The following ZFHX3 variants were observed in gnomAD, a reference collection of about 807,000 sequenced individuals.
The protein encoded by ZFHX3 is zinc finger homeobox protein 3.
Under a neutral mutation model 279.1 loss-of-function variants are expected in ZFHX3, and 42 were observed. The ratio of observed to expected loss-of-function variants is 0.15; its 90% CI spans 0.12 to 0.19. The LOEUF (loss-of-function observed/expected upper bound fraction) is 0.19, where lower values mean the gene tolerates loss of function less well. ZFHX3 is among the 10% of genes least tolerant of loss of function. The pLI is 1.00. For missense variants in ZFHX3, 4,981 were observed against 4,754.0 expected (o/e 1.05, Z -1.40); for synonymous variants, 2,293 against 1,957.8 (o/e 1.17, Z -4.52).
chr16:73,600,327 G>A (rs571572910), intron 2 of ZFHX3, among the ~76,000 whole-genome samples: 3 of 152,122 alleles, frequency 2.0e-5, no homozygotes, highest in African/African-American at 7.2e-5. Context: ...TGAAGGCACT[G>A]GACTTGTTCT....
chr16:73,455,650 T>C (rs1035272383), intron 3 of ZFHX3, among the ~76,000 whole-genome samples: 2 of 152,208 alleles, frequency 1.3e-5, no homozygotes, highest in Non-Finnish European at 2.9e-5. Flanking sequence ...CTATGAGCAT[T>C]GTAAATCAGC....
At chr16:73,834,768 G>A (rs554947092) in intron 1 of ZFHX3, among the ~76,000 whole-genome samples, 1 of 152,208 alleles carries the variant, frequency 6.6e-6, no homozygotes, top group Non-Finnish European at 1.5e-5. Flanking sequence ...GCGCATGCCT[G>A]TAGTCCCAGC....
chr16:73,664,418 C>T (rs1043792480), intron 2 of ZFHX3, among the ~76,000 whole-genome samples: 8 of 152,178 alleles, frequency 5.3e-5, no homozygotes, highest in African/African-American at 1.9e-4. Context: ...GTGCTATATG[C>T]AGTACATATA....
At chr16:73,004,941 C>G (rs992070947) in intron 1 of ZFHX3, among the ~76,000 whole-genome samples, 3 of 152,200 alleles carry the variant, frequency 2.0e-5, no homozygotes, top group African/African-American at 7.2e-5. Context: ...AAAAATGGCT[C>G]TAACCTAATT....
chr16:73,403,716 C>G (rs567271721), intron 3 of ZFHX3, among the ~76,000 whole-genome samples: 1 of 152,290 alleles, frequency 6.6e-6, no homozygotes, highest in East Asian at 1.9e-4. Flanking sequence ...GTGGCGAACA[C>G]ATCCAAATGG....
chr16:73,631,927 T>TCTCTCTCACA (rs1437204921), intron 2 of ZFHX3, among the ~76,000 whole-genome samples: 27 of 136,812 alleles, frequency 2.0e-4, no homozygotes, highest in African/African-American at 7.8e-4. Context: ...TCTCTCTCTC[T>TCTCTCTCACA]CACACACACA....
At chr16:72,973,211 C>T (rs1004271516) in intron 1 of ZFHX3, among the ~76,000 whole-genome samples, 1 of 152,214 alleles carries the variant, frequency 6.6e-6, no homozygotes, top group Non-Finnish European at 1.5e-5. Flanking sequence ...ACTGTCGGCC[C>T]TGGTCTCTCT....
chr16:73,838,965 G>A (rs1054998643), intron 1 of ZFHX3, among the ~76,000 whole-genome samples: 96 of 152,194 alleles, frequency 6.3e-4, no homozygotes, highest in African/African-American at 2.2e-3. Flanking sequence ...GGAGATCAAG[G>A]AAGAACCAGG....
chr16:73,103,465 C>T (rs1383250975), intron 7 of ZFHX3, among the ~76,000 whole-genome samples: 1 of 152,176 alleles, frequency 6.6e-6, no homozygotes, highest in Non-Finnish European at 1.5e-5. Flanking sequence ...TGGTGGCCCA[C>T]AGAAAGATGC....
chr16:73,094,730 G>C (rs1437560191), intron 7 of ZFHX3, among the ~76,000 whole-genome samples: 2 of 152,010 alleles, frequency 1.3e-5, no homozygotes, highest in Admixed American at 6.6e-5. Flanking sequence ...GTTATTTTTT[G>C]ATGGAGTCTT....
At chr16:73,822,223 T>C (rs1212782243) in intron 1 of ZFHX3, among the ~76,000 whole-genome samples, 2 of 152,178 alleles carry the variant, frequency 1.3e-5, no homozygotes, top group Non-Finnish European at 2.9e-5. Flanking sequence ...CTCTTTTCTC[T>C]TCCTGGGATG....
At chr16:73,437,865 A>C (rs1440265465) in intron 3 of ZFHX3, among the ~76,000 whole-genome samples, 2 of 152,226 alleles carry the variant, frequency 1.3e-5, no homozygotes, top group Non-Finnish European at 2.9e-5. Flanking sequence ...TTAAGTTTTC[A>C]AAATATTTGC....
At position 72,794,132 on chromosome 16, in the gene ZFHX3, C is replaced by T; in HGVS notation, c.8550G>A (p.Glu2850=). ...TAITDTTTGD[E]GNADNDSATG... ...TTGCACTGTCGTTATCTGCGTTGCCCTCGTCTCCAGTTGTGGTATCTGTGA... is the reference window on the plus strand; with the variant it reads ...TTGCACTGTCGTTATCTGCGTTGCCTTCGTCTCCAGTTGTGGTATCTGTGA... Residue 2850 remains glutamate (E), a synonymous_variant, in exon 9 of 10, where the codon GAG becomes GAA. Coordinates refer to ENST00000268489, the MANE Select transcript of ZFHX3 (RefSeq NM_006885.4). The surrounding 1 kb of genome is among the most constrained non-coding windows in gnomAD (Gnocchi z 4.2). 1.2e-6 allele frequency: 2 copies of T among 1,614,190 alleles called. No individual in the cohort carries two copies. Among genetic ancestry groups the T allele is most frequent in the Non-Finnish European group, 1.7e-6 (2 of 1,180,040 alleles).
intron 1 of ZFHX3, among the ~76,000 whole-genome samples, chr16:73,863,445 TTATA>T (rs1291813077): frequency 6.6e-6 from 1 of 152,072 alleles, no homozygotes; most frequent in Non-Finnish European, 1.5e-5. Flanking sequence ...GTGAGATGGC[TTATA>T]TAAACCAAAG....
At chr16:73,205,502 G>C (rs1391175235) in intron 5 of ZFHX3, among the ~76,000 whole-genome samples, 1 of 152,188 alleles carries the variant, frequency 6.6e-6, no homozygotes, top group African/African-American at 2.4e-5. Flanking sequence ...TTGGCAAATT[G>C]TCAATGCACA....
chr16:72,837,052 T>A (rs1320910039), intron 4 of ZFHX3, among the ~76,000 whole-genome samples: 1 of 152,204 alleles, frequency 6.6e-6, no homozygotes, highest in Admixed American at 6.5e-5. Flanking sequence ...CAAATGGGCC[T>A]CCCGCACTCC....
chr16:73,092,902 C>A, intron 8 of ZFHX3: 1 of 519,820 alleles, frequency 1.9e-6, no homozygotes, highest in South Asian at 1.4e-5. Context: ...CCCACGCGCT[C>A]CTGTTTTCCC....
chr16:73,743,852 C>T (rs775994660), intron 1 of ZFHX3, among the ~76,000 whole-genome samples: 4 of 152,110 alleles, frequency 2.6e-5, no homozygotes, highest in Admixed American at 1.3e-4. Flanking sequence ...GCAGACACAA[C>T]TCTAGGGGGC....
chr16:73,582,477 T>C (rs2051872476), intron 2 of ZFHX3, among the ~76,000 whole-genome samples: 1 of 151,838 alleles, frequency 6.6e-6, no homozygotes, highest in African/African-American at 2.4e-5. Flanking sequence ...ATGATAACTA[T>C]TTATTTTTAT....
Sources: gnomAD v4.1 joint callset for allele counts (sites outside exome capture counted in the v4.1 genomes callset) on GRCh38, gnomAD v4.1.1 for gene constraint, Gnocchi (gnomAD v3.1) non-coding constraint, MANE v1.5 for transcripts, NCBI Gene and HGNC (gene_info 2026-07-23, HGNC 2026-07-21) for gene names.